The following COL1A2 variants were observed in gnomAD, a reference collection of about 807,000 sequenced individuals.
COL1A2 encodes the protein collagen alpha-2(I) chain.
COL1A2 carries 49 observed loss-of-function variants against 174.3 expected under a neutral mutation model. The observed-to-expected ratio is 0.28, with a 90% confidence interval of 0.22 to 0.36. The LOEUF (loss-of-function observed/expected upper bound fraction) is 0.36, where lower values mean the gene tolerates loss of function less well. Ranked by LOEUF, COL1A2 falls within the 10% of genes least tolerant of loss-of-function variation. The probability of loss-of-function intolerance (pLI) is 1.00; values close to 1 mark genes in which losing one functional copy is unlikely to be tolerated. For missense variants in COL1A2, 1,438 were observed against 1,822.7 expected (o/e 0.79, Z 3.84); for synonymous variants, 655 against 606.6 (o/e 1.08, Z -1.17).
intron 41 of COL1A2, 30 bp from the exon 42 acceptor site, chr7:94,425,087 A>C: frequency 1.3e-6 from 2 of 1,587,040 alleles, no homozygotes; most frequent in Non-Finnish European, 1.7e-6. Flanking sequence ...GAATAAGGGG[A>C]ATGTCATTTT....
chr7:94,425,824 T>C lies in COL1A2; in HGVS notation c.2910T>C (p.Gly970=). ...CACCTGGTCCTCATGGCCCCGTGGG[T>C]CCTGCTGGCAAACATGGAAACCGTG... is the stretch of plus-strand genomic sequence containing the variant. ...AGAPGPHGPV[G]PAGKHGNRGE... Residue 970 remains glycine, a synonymous_variant, in exon 44 of 52, where the codon GGT becomes GGC. Coordinates refer to ENST00000297268, the MANE Select transcript of COL1A2 (RefSeq NM_000089.4). 2 of 1,612,438 alleles carry C rather than the reference T, an allele frequency of 1.2e-6. No individual in the cohort carries two copies. Among genetic ancestry groups the C allele is most frequent in the Non-Finnish European group, 1.7e-6 (2 of 1,179,322 alleles).
At position 94,414,208 on chromosome 7, in the gene COL1A2, CT is replaced by C; in HGVS notation, c.1666-10del. 2.5e-6 allele frequency: 4 copies of C among 1,613,740 alleles called. No individual in the cohort carries two copies. The highest frequency in any genetic ancestry group is 3.4e-6 in the Non-Finnish European group (4 of 1,179,854). On this transcript the variant is annotated splice_polypyrimidine_tract_variant and intron_variant, in intron 28 of 51. Transcript: ENST00000297268. ...AGCCATGGGATTGAGATTTGTATTTCTTTTCATTTTTAGGGTCTGCCTGGCC... is the reference window on the plus strand; with the variant it reads ...AGCCATGGGATTGAGATTTGTATTTCTTTCATTTTTAGGGTCTGCCTGGCC...
chr7:94,417,596 C>T (rs1017862390), intron 31 of COL1A2, 128 bp from the exon 32 acceptor site: 19 of 768,166 alleles, frequency 2.5e-5, no homozygotes, highest in Non-Finnish European at 3.6e-5. Context: ...ATAGCCCAGC[C>T]TTCTTTGTGT....
chr7:94,416,333 A>G, intron 30 of COL1A2, 72 bp from the exon 31 acceptor site: 1 of 1,332,320 alleles, frequency 7.5e-7, no homozygotes, highest in Non-Finnish European at 1.0e-6. Flanking sequence ...CACAAATGTA[A>G]ACTCTCATAT....
intron 15 of COL1A2, 31 bp downstream of exon 15, chr7:94,408,411 A>T (rs751174161): frequency 1.9e-5 from 31 of 1,612,256 alleles, no homozygotes; most frequent in Non-Finnish European, 2.6e-5. Context: ...GTTTGAAAGG[A>T]GTTGAGAATG....
At chr7:94,400,351 A>T in intron 5 of COL1A2, 63 bp downstream of exon 5, 1 of 1,395,052 alleles carries the variant, frequency 7.2e-7, no homozygotes, top group Middle Eastern at 1.8e-4. Context: ...TTTATTGTGG[A>T]ATTTATTTTT....
intron 1 of COL1A2, 155 bp downstream of exon 1, chr7:94,395,256 A>G (rs1430384106): frequency 6.5e-6 from 5 of 772,272 alleles, no homozygotes; most frequent in Non-Finnish European, 1.2e-5. Context: ...GATAAGAAAC[A>G]TGGAAATTAC....
At chr7:94,408,016 C>A (rs1791837754) in intron 13 of COL1A2, 125 bp downstream of exon 13, 2 of 1,161,708 alleles carry the variant, frequency 1.7e-6, no homozygotes, top group Non-Finnish European at 2.5e-6. Flanking sequence ...TTCTAATAGC[C>A]TTCTGATACT....
rs544894904 is a variant in COL1A2, at chr7:94,425,869, A to T, written c.2943+12A>T. On this transcript the variant is annotated intron_variant, in intron 44 of 51. Transcript: ENST00000297268. The stretch of plus-strand genomic sequence containing the variant: ...ACCGTGGTGAAACTGTAAGTTTGTG[A>T]ATACCAGTCCCTCAGTGCAGCATTC... 2.2e-5 allele frequency: 35 copies of T among 1,607,982 alleles called. No homozygotes were observed. The African/African-American group carries it at 4.0e-4, about 18-fold the overall frequency.
intron 6 of COL1A2, among the ~76,000 whole-genome samples, chr7:94,402,535 T>G (rs1308023345): frequency 2.0e-5 from 3 of 151,892 alleles, no homozygotes; most frequent in Admixed American, 1.3e-4. Context: ...TGATGATGAC[T>G]ATTAACAAAT....
Position 94,405,660 on chromosome 7 carries a change from A to G in COL1A2, c.487-13A>G, listed in dbSNP as rs1791780317. The G allele has an allele frequency of 6.2e-7, 1 of 1,606,318 alleles. No homozygotes were observed. The highest frequency in any genetic ancestry group is 1.3e-5 in the African/African-American group (1 of 74,880). ...TAAAACATTATTCACCATCTTCTGTATTTCTTTCTAAGGGTGCTCGTGGTT... is the reference window on the plus strand; with the variant it reads ...TAAAACATTATTCACCATCTTCTGTGTTTCTTTCTAAGGGTGCTCGTGGTT... On this transcript the variant is annotated splice_polypyrimidine_tract_variant and intron_variant, in intron 10 of 51. Transcript: ENST00000297268.
rs1792244651 is a variant in COL1A2, at chr7:94,425,026, C to T, written c.2674-91C>T. ...ATTCAATTTACCTTCTTCCTTCAAACTAGAATCTCCTGAGTAGGGTTGTTT... is the reference window on the plus strand; with the variant it reads ...ATTCAATTTACCTTCTTCCTTCAAATTAGAATCTCCTGAGTAGGGTTGTTT... On this transcript the variant is annotated intron_variant, in intron 41 of 51. Coordinates refer to ENST00000297268, the MANE Select transcript of COL1A2 (RefSeq NM_000089.4). The T allele has an allele frequency of 3.6e-6, 4 of 1,106,354 alleles. 1 individual carries two copies. In the South Asian group the frequency reaches 3.9e-5, roughly 11 times the overall value. 68.5% of individuals were successfully genotyped at this position (1,106,354 alleles called of 1,614,324 possible).
rs758732085 is a variant in COL1A2, at chr7:94,421,871, G to A, written c.2350-28G>A. ...CAAATTCTTGGAGTTGATGTTGACTGTGGAATTCTAATGTGCTTGGCTCTT... is the reference window on the plus strand; with the variant it reads ...CAAATTCTTGGAGTTGATGTTGACTATGGAATTCTAATGTGCTTGGCTCTT... On this transcript the variant is annotated intron_variant, in intron 38 of 51. Transcript: ENST00000297268. 11 of 1,612,798 alleles carry A rather than the reference G, an allele frequency of 6.8e-6. No homozygotes were observed. The South Asian group carries it at 8.8e-5, about 13-fold the overall frequency.
Position 94,430,804 on chromosome 7 carries a change from A to G in COL1A2, c.*411A>G, listed in dbSNP as rs1792386343. ...AAACACTTTCCCATGAGTGTGATCC[A>G]CATTGTTAGGTGCTGACCTAGACAG... On this transcript the variant is annotated 3_prime_UTR_variant, in exon 52 of 52. Coordinates refer to ENST00000297268, the MANE Select transcript of COL1A2 (RefSeq NM_000089.4). 8.7e-6 allele frequency: 2 copies of G among 228,666 alleles called. No homozygotes were observed. The highest frequency in any genetic ancestry group is 1.7e-5 in the Non-Finnish European group (2 of 115,526). 14.2% of individuals were successfully genotyped at this position (228,666 alleles called of 1,614,324 possible).
rs745913455 is a variant in COL1A2 at position 94,419,559 on chromosome 7, T to C, written c.2079+8T>C. 12 of 1,613,864 alleles carry C rather than the reference T, an allele frequency of 7.4e-6. No homozygotes were observed. Among genetic ancestry groups the C allele is most frequent in the African/African-American group, 1.3e-5 (1 of 74,882 alleles). ...GGAGCCACAGGTGACCGGGTAAGCA[T>C]GCATTTTCACTAAGCCAACAGCAAT... is the stretch of plus-strand genomic sequence containing the variant. On this transcript the variant is annotated splice_region_variant and intron_variant, in intron 34 of 51. Transcript: ENST00000297268.
At chr7:94,395,156 G>T (rs551125325) in intron 1 of COL1A2, 55 bp downstream of exon 1, 10 of 1,460,466 alleles carry the variant, frequency 6.8e-6, no homozygotes, top group Non-Finnish European at 7.7e-6. Context: ...AGATGGGAGG[G>T]CACCCTGCCC....
At position 94,426,453 on chromosome 7, in the gene COL1A2, G is replaced by A; in HGVS notation, c.3028G>A (p.Glu1010Lys). ...ACAAGGCATTCGTGGCGATAAGGGAGAGCCCGGTGAAAAGGGGCCCAGAGG... is the reference window on the plus strand; with the variant it reads ...ACAAGGCATTCGTGGCGATAAGGGAAAGCCCGGTGAAAAGGGGCCCAGAGG... ...GPQGIRGDKG[E>K]PGEKGPRGLP... The change falls in exon 46 of 52, where the codon GAG (glutamate) becomes AAG (lysine). Residue 1010 changes from glutamate to lysine, a missense_variant. Glu to Lys is a moderately conservative substitution (Grantham distance 56, BLOSUM62 1). Around this residue, in one of 3 missense-constraint regions of COL1A2, gnomAD observed 867 missense variants for 1,213.7 expected, o/e 0.71. Transcript: ENST00000297268. 2 of 1,605,878 alleles carry A rather than the reference G, an allele frequency of 1.2e-6. No individual in the cohort carries two copies. The highest frequency in any genetic ancestry group is 8.5e-7 in the Non-Finnish European group (1 of 1,176,572).
chr7:94,414,092 T>C, intron 28 of COL1A2, 130 bp from the exon 29 acceptor site: 1 of 1,302,806 alleles, frequency 7.7e-7, no homozygotes, highest in Non-Finnish European at 1.1e-6. Context: ...AACAAACTTT[T>C]GTGTAATGCT....
At chr7:94,406,758 A>T (rs1052127703) in intron 12 of COL1A2, among the ~76,000 whole-genome samples, 4 of 152,296 alleles carry the variant, frequency 2.6e-5, no homozygotes, top group Admixed American at 6.5e-5. Flanking sequence ...ACTCAAAAAA[A>T]TTTTAATTAG....
Sources: gnomAD v4.1 joint callset for allele counts (sites outside exome capture counted in the v4.1 genomes callset) on GRCh38, gnomAD v4.1.1 for gene constraint, gnomAD v4.1.1 regional missense constraint, MANE v1.5 for transcripts, NCBI Gene and HGNC (gene_info 2026-07-23, HGNC 2026-07-21) for gene names.